Variants in XRN2 observed in about 807,000 individuals in gnomAD.
XRN2 encodes 5'-3' exoribonuclease 2, also known as DHM1-like protein.
In XRN2, 44 loss-of-function variants were observed where a neutral mutation model predicts 138.5. The ratio of observed to expected loss-of-function variants is 0.32; its 90% CI spans 0.25 to 0.41. The LOEUF is 0.41. XRN2 is among the 10% of genes least tolerant of loss of function. The pLI is 1.00. For synonymous variants in XRN2, 354 were observed against 369.4 expected, an observed-to-expected ratio of 0.96 and a Z score of 0.48; for missense variants, 937 against 1,169.3, an observed-to-expected ratio of 0.80 and a Z score of 2.90.
At chr20:21,303,837 A>G (rs1333110051) in intron 1 of XRN2, 13 of 1,032,774 alleles carry the variant, frequency 1.3e-5, no homozygotes, top group East Asian at 8.6e-5. Flanking sequence ...TTGTTGAGCA[A>G]TGCATGCCAG....
In XRN2 at chr20:21,307,694, G is replaced by A. The variant is rs2037823868; in HGVS notation, c.75+4221G>A. 2.6e-5 allele frequency among the ~76,000 whole-genome samples: 2 copies of A among 75,908 alleles called. 1 individual carries two copies. Among genetic ancestry groups the A allele is most frequent in the African/African-American group, 7.2e-5 (2 of 27,680 alleles). 49.8% of individuals were successfully genotyped at this position (75,908 alleles called of 152,430 possible). Reference sequence around the variant, plus strand: ...AACCAGCACAACCAAGACAGTGAACGTGACCTCTAAAACATTCCTTCTGCC... The same window carrying A: ...AACCAGCACAACCAAGACAGTGAACATGACCTCTAAAACATTCCTTCTGCC... On this transcript the variant is annotated intron_variant, in intron 1 of 29. Coordinates refer to ENST00000377191, the MANE Select transcript of XRN2 (RefSeq NM_012255.5).
chr20:21,312,241 T>A (rs1476716750), intron 1 of XRN2, among the ~76,000 whole-genome samples: 1 of 151,616 alleles, frequency 6.6e-6, no homozygotes. Context: ...GCCTCCCGAG[T>A]AGCTGGGACT....
intron 23 of XRN2, among the ~76,000 whole-genome samples, chr20:21,357,102 C>T (rs2038585084): frequency 6.7e-6 from 1 of 150,264 alleles, no homozygotes; most frequent in Non-Finnish European, 1.5e-5. Context: ...AAAAAAATAG[C>T]TTTTTATAAG....
rs751912367 is a variant in XRN2, at chr20:21,333,422, A to G, written c.859-122A>G. 120 of 1,032,748 alleles carry G rather than the reference A, an allele frequency of 1.2e-4. 1 individual carries two copies. Among genetic ancestry groups the G allele is most frequent in the Non-Finnish European group, 1.7e-4 (116 of 678,568 alleles). 64.0% of individuals were successfully genotyped at this position (1,032,748 alleles called of 1,614,324 possible). A position where few individuals can be genotyped will look rare whatever the true frequency, so the allele number is the denominator to read the frequency against. On this transcript the variant is annotated intron_variant, in intron 9 of 29. Transcript: ENST00000377191. ...TTAAAATGCATTGGTGAGCTTTTAA[A>G]AATTAAATACTTGTGATATTAAAAT...
In XRN2 at chr20:21,303,371, C is replaced by T. The variant is rs1477785560; in HGVS notation, c.-28C>T. 1.2e-5 allele frequency: 18 copies of T among 1,541,716 alleles called. No homozygotes were observed. The highest frequency in any genetic ancestry group is 4.0e-5 in the Admixed American group (2 of 49,950). ...TCTTTGGTTACGCTCGTCAGCCGGTCGGCCGCCGCCTCCAGCCGTGTGCCG... is the reference window on the plus strand; with the variant it reads ...TCTTTGGTTACGCTCGTCAGCCGGTTGGCCGCCGCCTCCAGCCGTGTGCCG... On this transcript the variant is annotated 5_prime_UTR_variant, in exon 1 of 30. Coordinates refer to ENST00000377191, the MANE Select transcript of XRN2 (RefSeq NM_012255.5).
chr20:21,317,564 G>A lies in XRN2; in HGVS notation c.76-8715G>A, dbSNP rs560807110. On this transcript the variant is annotated intron_variant, in intron 1 of 29. Transcript: ENST00000377191. Reference sequence around the variant, plus strand: ...GGTTCCAGGACCTCCTGTGGATGCCGAAATCAACGGAGGCTCAAATCTCTG... The same window carrying A: ...GGTTCCAGGACCTCCTGTGGATGCCAAAATCAACGGAGGCTCAAATCTCTG... 5.9e-5 allele frequency among the ~76,000 whole-genome samples: 9 copies of A among 152,114 alleles called. No individual in the cohort carries two copies. In the South Asian group the frequency reaches 1.9e-3, roughly 31 times the overall value.
At chr20:21,331,003 A>G (rs530232896) in intron 6 of XRN2, among the ~76,000 whole-genome samples, 250 of 152,318 alleles carry the variant, frequency 1.6e-3, no homozygotes, top group African/African-American at 5.7e-3. Context: ...GGAAATTTCC[A>G]TTATTACATA....
intron 6 of XRN2, 73 bp downstream of exon 6, chr20:21,330,778 T>C: frequency 3.7e-6 from 5 of 1,363,686 alleles, no homozygotes; most frequent in Non-Finnish European, 5.2e-6. Flanking sequence ...ATGACTGACA[T>C]TATTTATCCT....
chr20:21,389,397 A>G lies in XRN2; in HGVS notation c.*59A>G. On this transcript the variant is annotated 3_prime_UTR_variant, in exon 30 of 30. Coordinates refer to ENST00000377191, the MANE Select transcript of XRN2 (RefSeq NM_012255.5). ...TTCTACAGTTTTATGCTATTTGTGG[A>G]AAGATTTCTTTCTCAAGTAGTAGTT... 6.6e-7 allele frequency: 1 copy of G among 1,515,408 alleles called. No homozygotes were observed. Among genetic ancestry groups the G allele is most frequent in the Non-Finnish European group, 9.0e-7 (1 of 1,114,662 alleles). 93.9% of individuals were successfully genotyped at this position (1,515,408 alleles called of 1,614,324 possible). A position where few individuals can be genotyped will look rare whatever the true frequency, so the allele number is the denominator to read the frequency against.
chr20:21,327,674 A>G (rs1002903488), intron 3 of XRN2, among the ~76,000 whole-genome samples: 2 of 152,186 alleles, frequency 1.3e-5, no homozygotes, highest in African/African-American at 4.8e-5. Context: ...AAATATGTAC[A>G]CATTTATATG....
At position 21,365,635 on chromosome 20, in the gene XRN2, A is replaced by T; in HGVS notation, c.2387A>T (p.Lys796Met). The T allele has an allele frequency of 6.2e-7, 1 of 1,613,372 alleles. No homozygotes were observed. The highest frequency in any genetic ancestry group is 1.7e-5 in the Admixed American group (1 of 59,888). The change falls in exon 26 of 30, where the codon AAG becomes ATG. Residue 796 changes from lysine (K) to methionine (M), a missense_variant. By Grantham distance (95) the Lys-to-Met change is moderately conservative. Transcript: ENST00000377191. ...AAATCCAGCAATGGACGGCAGTGGA[A>T]GCCTCAGCTTGGCTTTAACCGTGAC... ...WEKSSNGRQW[K>M]PQLGFNRDRR...
At chr20:21,377,170 G>C (rs545261304) in intron 27 of XRN2, among the ~76,000 whole-genome samples, 1 of 150,974 alleles carries the variant, frequency 6.6e-6, no homozygotes, top group African/African-American at 2.4e-5. Context: ...AGTATGATAA[G>C]TTCAGGCAAA....
At chr20:21,350,553 A>AG (rs2038496604) in intron 20 of XRN2, among the ~76,000 whole-genome samples, 3 of 145,308 alleles carry the variant, frequency 2.1e-5, no homozygotes, top group Non-Finnish European at 4.5e-5. Context: ...AAAAAAAAAA[A>AG]GAAATATCTC....
intron 16 of XRN2, among the ~76,000 whole-genome samples, chr20:21,345,508 T>C (rs1473444904): frequency 6.6e-6 from 1 of 152,200 alleles, no homozygotes; most frequent in Admixed American, 6.5e-5. Flanking sequence ...ATCTGGCACA[T>C]GGAAAAGAGG....
At chr20:21,315,098 G>C (rs1466091679) in intron 1 of XRN2, among the ~76,000 whole-genome samples, 1 of 152,180 alleles carries the variant, frequency 6.6e-6, no homozygotes, top group African/African-American at 2.4e-5. Context: ...CCTGCTTCCA[G>C]GGGTGAAAGG....
intron 29 of XRN2, among the ~76,000 whole-genome samples, 159 bp downstream of exon 29, chr20:21,387,165 G>A (rs956057969): frequency 1.3e-5 from 2 of 152,168 alleles, no homozygotes; most frequent in Non-Finnish European, 2.9e-5. Context: ...ATGTATATGG[G>A]TTGAGTACCT....
intron 1 of XRN2, among the ~76,000 whole-genome samples, chr20:21,309,814 G>A (rs931385238): frequency 6.6e-6 from 1 of 151,670 alleles, no homozygotes; most frequent in Non-Finnish European, 1.5e-5. Flanking sequence ...AATCTGTAGT[G>A]ATGTTACCTC....
Position 21,339,029 on chromosome 20 carries a change from A to G in XRN2, c.1234-15A>G. Reference sequence around the variant, plus strand: ...TGTAATTATTTGACAGAATATGTGGATTTTATACTTTTAGGACAGTTTTAG... The same window carrying G: ...TGTAATTATTTGACAGAATATGTGGGTTTTATACTTTTAGGACAGTTTTAG... On this transcript the variant is annotated splice_polypyrimidine_tract_variant and intron_variant, in intron 13 of 29. Transcript: ENST00000377191. 1 of 1,597,472 alleles carries G rather than the reference A, an allele frequency of 6.3e-7. No homozygotes were observed. Among genetic ancestry groups the G allele is most frequent in the South Asian group, 1.1e-5 (1 of 89,114 alleles).
Position 21,365,724 on chromosome 20 carries a change from C to A in XRN2, c.2456+20C>A, listed in dbSNP as rs2038685359. The stretch of plus-strand genomic sequence containing the variant: ...TTTGGGGTGAGTTGTCAGTTTTTAG[C>A]CCTTGTATATTTTGCTTTTTCTGAA... On this transcript the variant is annotated intron_variant, in intron 26 of 29. Transcript: ENST00000377191. The A allele has an allele frequency of 1.1e-5, 18 of 1,585,990 alleles. No individual in the cohort carries two copies. The highest frequency in any genetic ancestry group is 1.5e-5 in the Non-Finnish European group (18 of 1,166,852).
Sources: allele counts gnomAD v4.1 joint callset (sites outside exome capture counted in the v4.1 genomes callset), GRCh38; gene constraint gnomAD v4.1.1; transcripts MANE v1.5; gene names NCBI Gene and HGNC (gene_info 2026-07-23, HGNC 2026-07-21).